FYCO1: variants seen among roughly 807,000 people sequenced by gnomAD.
The protein encoded by FYCO1 is FYVE and coiled-coil domain autophagy adaptor 1.
A neutral mutation model predicts 165.1 loss-of-function variants in FYCO1; 122 were observed. The ratio of observed to expected loss-of-function variants is 0.74; its 90% CI spans 0.64 to 0.86. FYCO1 has a LOEUF of 0.86. Among genes scored for constraint, FYCO1 ranks in the 40% least tolerant of loss-of-function variants. FYCO1 has a pLI of 0.00. For synonymous variants in FYCO1, 648 were observed against 742.5 expected (o/e 0.87, Z 2.07); for missense variants, 1,702 against 1,810.3 (o/e 0.94, Z 1.09).
intron 16 of FYCO1, among the ~76,000 whole-genome samples, chr3:45,925,207 C>T (rs183204151): frequency 8.0e-5 from 12 of 149,858 alleles, no homozygotes; most frequent in Admixed American, 2.0e-4. Flanking sequence ...GGATTACAGG[C>T]GTGAGCCACG....
chr3:45,932,108 G>A (rs1023222260), intron 15 of FYCO1, among the ~76,000 whole-genome samples: 4 of 152,210 alleles, frequency 2.6e-5, no homozygotes, highest in African/African-American at 9.6e-5. Context: ...AACCACACCT[G>A]CCTCAGGACT....
intron 14 of FYCO1, chr3:45,947,146 G>A: frequency 6.2e-7 from 1 of 1,614,096 alleles, no homozygotes; most frequent in Non-Finnish European, 8.5e-7. Flanking sequence ...CTTCATGCTG[G>A]AGGCTTCCAG....
intron 3 of FYCO1, among the ~76,000 whole-genome samples, chr3:45,980,967 A>G (rs1194588478): frequency 6.6e-6 from 1 of 152,198 alleles, no homozygotes; most frequent in Non-Finnish European, 1.5e-5. Context: ...CAGGGATAAG[A>G]GTTATACCAT....
chr3:45,935,917 G>C (rs1241979263), intron 15 of FYCO1, among the ~76,000 whole-genome samples: 1 of 152,116 alleles, frequency 6.6e-6, no homozygotes, highest in African/African-American at 2.4e-5. Context: ...GCAGCCACTG[G>C]ACACAACACT....
At chr3:45,988,774 T>C (rs1707432421) in intron 1 of FYCO1, among the ~76,000 whole-genome samples, 1 of 152,210 alleles carries the variant, frequency 6.6e-6, no homozygotes, top group Non-Finnish European at 1.5e-5. Context: ...GAAAAGGGAC[T>C]CAATGCATTT....
chr3:45,985,000 G>A lies in FYCO1; in HGVS notation c.-90C>T. On this transcript the variant is annotated 5_prime_UTR_variant, in exon 2 of 18. Transcript: ENST00000296137. Reference sequence around the variant, plus strand: ...GCCCTCGGTGGCTGTCTGCTCAGCAGTGGTCAGACTCCATGGTGGCACCTG... The same window carrying A: ...GCCCTCGGTGGCTGTCTGCTCAGCAATGGTCAGACTCCATGGTGGCACCTG... 1 of 1,237,962 alleles carries A rather than the reference G, an allele frequency of 8.1e-7. No individual in the cohort carries two copies. The highest frequency in any genetic ancestry group is 1.5e-5 in the African/African-American group (1 of 67,892). The allele number at this position is 1,237,962 out of a possible 1,614,324, so 76.7% of individuals were successfully genotyped here.
intron 16 of FYCO1, among the ~76,000 whole-genome samples, chr3:45,927,548 CCT>C: frequency 6.6e-6 from 1 of 152,158 alleles, no homozygotes; most frequent in South Asian, 2.1e-4. Context: ...AGGACGGGCC[CCT>C]GACAAGGCTG....
chr3:45,928,983 G>A (rs756173689), intron 16 of FYCO1, among the ~76,000 whole-genome samples: 2 of 152,178 alleles, frequency 1.3e-5, no homozygotes, highest in Admixed American at 6.5e-5. Context: ...CTATACCTCC[G>A]TAATCATGAA....
rs547235644 is a variant in FYCO1 at position 45,974,025 on chromosome 3, C to T, written c.396-794G>A. Among the ~76,000 whole-genome samples the T allele has an allele frequency of 2.0e-5, 3 of 152,296 alleles. No individual in the cohort carries two copies. The East Asian group carries it at 5.8e-4, about 29-fold the overall frequency. On this transcript the variant is annotated intron_variant, in intron 5 of 17. Coordinates refer to ENST00000296137, the MANE Select transcript of FYCO1 (RefSeq NM_024513.4). ...ACAGTAAGCCATGATCATGCCACTG[C>T]ACTCCAGCCTGTGTGACAGGTTAAG...
chr3:45,962,466 A>T lies in FYCO1; in HGVS notation c.3270-74T>A, dbSNP rs1433113340. 1 of 1,395,746 alleles carries T rather than the reference A, an allele frequency of 7.2e-7. No individual in the cohort carries two copies. The highest frequency in any genetic ancestry group is 1.0e-6 in the Non-Finnish European group (1 of 981,850). 86.5% of individuals were successfully genotyped at this position (1,395,746 alleles called of 1,614,324 possible). On this transcript the variant is annotated intron_variant, in intron 10 of 17. Transcript: ENST00000296137. The surrounding 1 kb of genome is among the most constrained non-coding windows in gnomAD (Gnocchi z 4.4). ...TCCCAGGGCTCTAAGCTCACCCAGG[A>T]CTCTAATGAGGGGTGCTACTGCCCT...
At position 45,918,516 on chromosome 3, in the gene FYCO1, A is replaced by G. The variant is rs1051800928; in HGVS notation, c.*3249T>C. ...TGGCTTCTCTCTGCTTTAATTCCCA[A>G]CACCTCTGAGCCAAGGACAGTTTCT... On this transcript the variant is annotated 3_prime_UTR_variant, in exon 18 of 18. Transcript: ENST00000296137. 16 of 152,004 alleles carry G rather than the reference A, an allele frequency of 1.1e-4. No homozygotes were observed. The highest frequency in any genetic ancestry group is 8.5e-4 in the Admixed American group (13 of 15,272). 9.4% of individuals were successfully genotyped at this position (152,004 alleles called of 1,614,324 possible).
chr3:45,979,916 T>C, intron 3 of FYCO1, 86 bp from the exon 4 acceptor site: 2 of 1,534,304 alleles, frequency 1.3e-6, no homozygotes, highest in Admixed American at 3.4e-5. Context: ...AACAATAGCT[T>C]CTTAGGTGCC....
intron 1 of FYCO1, among the ~76,000 whole-genome samples, chr3:45,989,520 G>A (rs1319789050): frequency 6.6e-6 from 1 of 152,202 alleles, no homozygotes; most frequent in Non-Finnish European, 1.5e-5. Context: ...CAGCTCAGAG[G>A]CAGGCATTTC....
chr3:45,927,118 G>A (rs900324363), intron 16 of FYCO1, among the ~76,000 whole-genome samples: 5 of 152,180 alleles, frequency 3.3e-5, no homozygotes, highest in Admixed American at 2.0e-4. Flanking sequence ...ACACAAATTC[G>A]TAAACTTTCT....
chr3:45,951,999 A>G (rs1052637185), intron 14 of FYCO1, among the ~76,000 whole-genome samples: 1 of 152,222 alleles, frequency 6.6e-6, no homozygotes, highest in Non-Finnish European at 1.5e-5. Flanking sequence ...GAACTCTTCC[A>G]AATGAATCTT....
intron 1 of FYCO1, among the ~76,000 whole-genome samples, chr3:45,994,699 C>T (rs1172751091): frequency 1.1e-4 from 16 of 150,176 alleles, no homozygotes; most frequent in Non-Finnish European, 1.6e-4. Flanking sequence ...AGGCAGATGG[C>T]AGGGGAATTA....
Position 45,968,098 on chromosome 3 carries a change from C to A in FYCO1, c.1236G>T (p.Arg412Ser). 6.2e-7 allele frequency: 1 copy of A among 1,614,184 alleles called. No homozygotes were observed. The highest frequency in any genetic ancestry group is 8.5e-7 in the Non-Finnish European group (1 of 1,180,042). ...TGACCTCCTCGACCTTGGTTCTCTC[C>A]CTTTCTAGGGCTTGAAGCTTCTCCC... ...ELGEKLQALE[R>S]ERTKVEEVNR... Residue 412 changes from arginine to serine, a missense_variant, in exon 8 of 18, where the codon AGG becomes AGT. By Grantham distance (110) the Arg-to-Ser change is moderately radical. Coordinates refer to ENST00000296137, the MANE Select transcript of FYCO1 (RefSeq NM_024513.4).
At chr3:45,963,549 T>G (rs921491461) in intron 10 of FYCO1, among the ~76,000 whole-genome samples, 4 of 152,252 alleles carry the variant, frequency 2.6e-5, no homozygotes, top group African/African-American at 4.8e-5. Context: ...AGGTAATAGA[T>G]AAATAGAAAA....
In FYCO1 at chr3:45,979,719, T is replaced by C; in HGVS notation, c.274A>G (p.Lys92Glu). ...KGANDGIRFV[K>E]SISELRTSLG... ...GCTCAGCTTACCTCTGAGATAGACT[T>C]GACAAAGCGGATCCCATCATTGGCT... is the stretch of plus-strand genomic sequence containing the variant. The change falls in exon 4 of 18, where the codon AAG becomes GAG. Residue 92 changes from lysine to glutamate, a missense_variant. By Grantham distance (56) the Lys-to-Glu change is moderately conservative (BLOSUM62 1). Coordinates refer to ENST00000296137, the MANE Select transcript of FYCO1 (RefSeq NM_024513.4). 1 of 1,614,002 alleles carries C rather than the reference T, an allele frequency of 6.2e-7. No individual in the cohort carries two copies. Among genetic ancestry groups the C allele is most frequent in the Non-Finnish European group, 8.5e-7 (1 of 1,179,894 alleles).
Sources: gnomAD v4.1 joint callset for allele counts (sites outside exome capture counted in the v4.1 genomes callset) on GRCh38, gnomAD v4.1.1 for gene constraint, Gnocchi (gnomAD v3.1) non-coding constraint, MANE v1.5 for transcripts, NCBI Gene and HGNC (gene_info 2026-07-23, HGNC 2026-07-21) for gene names.